Variants in NSL1 observed in about 807,000 individuals in gnomAD.
NSL1 encodes the protein NSL1 component of MIS12 kinetochore complex, also known as kinetochore-associated protein NSL1 homolog.
In NSL1, 11 loss-of-function variants were observed where a neutral mutation model predicts 25.4. The ratio of observed to expected loss-of-function variants is 0.43; its 90% CI spans 0.27 to 0.72. The LOEUF is 0.72. Ranked by LOEUF, NSL1 falls within the 30% of genes least tolerant of loss-of-function variation. The probability of loss-of-function intolerance (pLI) is 0.19; values close to 1 mark genes in which losing one functional copy is unlikely to be tolerated. For synonymous variants in NSL1, 118 were observed against 120.6 expected, an observed-to-expected ratio of 0.98 and a Z score of 0.14; for missense variants, 330 against 342.7, an observed-to-expected ratio of 0.96 and a Z score of 0.29.
At chr1:212,752,783 G>A (rs1659125114) in intron 4 of NSL1, among the ~76,000 whole-genome samples, 1 of 151,848 alleles carries the variant, frequency 6.6e-6, no homozygotes. Flanking sequence ...ATGAAAAAGT[G>A]GAAATGAAAG....
At chr1:212,783,781 T>C (rs1431298002) in intron 3 of NSL1, among the ~76,000 whole-genome samples, 1 of 152,182 alleles carries the variant, frequency 6.6e-6, no homozygotes, top group African/African-American at 2.4e-5. Flanking sequence ...TTGATATCTA[T>C]AGTAATTATA....
chr1:212,736,628 T>C lies in NSL1; in HGVS notation c.*1780A>G. On this transcript the variant is annotated 3_prime_UTR_variant, in exon 6 of 6. Transcript: ENST00000366977. ...TTTAAACTCTGCTATAACTATGGAGTAAAACTTTGGGCTCTCAAGAGGATT... is the reference window on the plus strand; with the variant it reads ...TTTAAACTCTGCTATAACTATGGAGCAAAACTTTGGGCTCTCAAGAGGATT... 5.1e-6 allele frequency: 5 copies of C among 985,344 alleles called. No homozygotes were observed. Among genetic ancestry groups the C allele is most frequent in the Non-Finnish European group, 4.8e-6 (4 of 829,838 alleles). 61.0% of individuals were successfully genotyped at this position (985,344 alleles called of 1,614,324 possible).
Position 212,731,201 on chromosome 1 carries a change from C to T in NSL1, c.*7207G>A, listed in dbSNP as rs1486883630. 1.0e-5 allele frequency: 10 copies of T among 976,372 alleles called. No individual in the cohort carries two copies. The highest frequency in any genetic ancestry group is 1.8e-5 in the African/African-American group (1 of 56,212). The allele number at this position is 976,372 out of a possible 1,614,324, so 60.5% of individuals were successfully genotyped here. Reference sequence around the variant, plus strand: ...TCAGAGGGGAGAAAAAAAAAAAAACCTGAAGAAACCAAAACTAGAATTATC... The same window carrying T: ...TCAGAGGGGAGAAAAAAAAAAAAACTTGAAGAAACCAAAACTAGAATTATC... On this transcript the variant is annotated 3_prime_UTR_variant, in exon 6 of 6. Transcript: ENST00000366977.
chr1:212,780,034 T>C (rs1176375064), intron 4 of NSL1, among the ~76,000 whole-genome samples: 1 of 151,630 alleles, frequency 6.6e-6, no homozygotes, highest in Admixed American at 6.6e-5. Context: ...CGGGCCATGA[T>C]GACAATGGCG....
intron 4 of NSL1, among the ~76,000 whole-genome samples, chr1:212,754,735 T>A (rs140262274): frequency 4.0e-4 from 49 of 122,916 alleles, no homozygotes; most frequent in Middle Eastern, 0.011. Flanking sequence ...AACCATTACA[T>A]TCCAGCCTGG....
chr1:212,761,497 G>T (rs112487492), intron 4 of NSL1, among the ~76,000 whole-genome samples: 1 of 152,168 alleles, frequency 6.6e-6, no homozygotes, highest in Non-Finnish European at 1.5e-5. Context: ...AAAATAGCTG[G>T]GTTTGGTGGC....
At chr1:212,769,722 A>G (rs1660006850) in intron 4 of NSL1, among the ~76,000 whole-genome samples, 1 of 152,188 alleles carries the variant, frequency 6.6e-6, no homozygotes, top group African/African-American at 2.4e-5. Flanking sequence ...AGAGAGAGAA[A>G]AAACTCAAAT....
rs1347202144 is a variant in NSL1, at chr1:212,736,579, T to A, written c.*1829A>T. 8.1e-6 allele frequency: 8 copies of A among 985,164 alleles called. No homozygotes were observed. In the East Asian group the frequency reaches 7.9e-4, roughly 98 times the overall value. The allele number at this position is 985,164 out of a possible 1,614,324, so 61.0% of individuals were successfully genotyped here. A position where few individuals can be genotyped will look rare whatever the true frequency, so the allele number is the denominator to read the frequency against. Reference sequence around the variant, plus strand: ...CTTAGTTAATAATGCTAATACGTACTGTCTTTCCCAGTGGTATTTCTATTT... The same window carrying A: ...CTTAGTTAATAATGCTAATACGTACAGTCTTTCCCAGTGGTATTTCTATTT... On this transcript the variant is annotated 3_prime_UTR_variant, in exon 6 of 6. Coordinates refer to ENST00000366977, the MANE Select transcript of NSL1 (RefSeq NM_015471.4).
rs1657904258 is a variant in NSL1 at position 212,729,108 on chromosome 1, C to T, written c.*9300G>A. 2 of 985,398 alleles carry T rather than the reference C, an allele frequency of 2.0e-6. No homozygotes were observed. The highest frequency in any genetic ancestry group is 3.5e-5 in the African/African-American group (2 of 57,350). 61.0% of individuals were successfully genotyped at this position (985,398 alleles called of 1,614,324 possible). On this transcript the variant is annotated 3_prime_UTR_variant, in exon 6 of 6. Transcript: ENST00000366977. ...AGTGTTAAAACTTGCCAGTCAATTACAGGAATATATTAGTGTTCCATCGTA... is the reference window on the plus strand; with the variant it reads ...AGTGTTAAAACTTGCCAGTCAATTATAGGAATATATTAGTGTTCCATCGTA...
intron 4 of NSL1, among the ~76,000 whole-genome samples, chr1:212,779,816 G>A (rs1428519680): frequency 5.8e-5 from 8 of 137,096 alleles, no homozygotes; most frequent in South Asian, 2.4e-4. Flanking sequence ...CAGCCGCCCC[G>A]TCCGGGAGGG....
chr1:212,753,905 G>C (rs1659181239), intron 4 of NSL1, among the ~76,000 whole-genome samples: 1 of 152,182 alleles, frequency 6.6e-6, no homozygotes, highest in South Asian at 2.1e-4. Flanking sequence ...AGATCTCTCT[G>C]AGGAGGTAAC....
intron 4 of NSL1, among the ~76,000 whole-genome samples, chr1:212,773,101 CAT>C (rs746840637): frequency 1.3e-5 from 2 of 152,090 alleles, no homozygotes; most frequent in Non-Finnish European, 2.9e-5. Flanking sequence ...TATAGGGAAA[CAT>C]AGGAAAAACA....
chr1:212,789,877 C>T (rs761466701), intron 1 of NSL1, among the ~76,000 whole-genome samples: 20 of 152,220 alleles, frequency 1.3e-4, no homozygotes, highest in Non-Finnish European at 2.4e-4. Context: ...CAAAAGTCTT[C>T]TCCCAAAAAA....
At chr1:212,739,419 A>T in intron 5 of NSL1, 115 bp downstream of exon 5, 1 of 876,434 alleles carries the variant, frequency 1.1e-6, no homozygotes, top group South Asian at 1.7e-5. Flanking sequence ...AGATTTATTT[A>T]AAGGACCGCT....
rs1374881466 is a variant in NSL1, at chr1:212,735,362, G to A, written c.*3046C>T. The A allele has an allele frequency of 1.0e-6, 1 of 985,308 alleles. No individual in the cohort carries two copies. The highest frequency in any genetic ancestry group is 1.2e-6 in the Non-Finnish European group (1 of 829,930). 61.0% of individuals were successfully genotyped at this position (985,308 alleles called of 1,614,324 possible). On this transcript the variant is annotated 3_prime_UTR_variant, in exon 6 of 6. Coordinates refer to ENST00000366977, the MANE Select transcript of NSL1 (RefSeq NM_015471.4). Reference sequence around the variant, plus strand: ...ACAGATGAATAAATGAATGAAGGTGGATAGAGAAGATAGGTGTTCACCAGA... The same window carrying A: ...ACAGATGAATAAATGAATGAAGGTGAATAGAGAAGATAGGTGTTCACCAGA...
intron 4 of NSL1, among the ~76,000 whole-genome samples, chr1:212,779,955 G>A (rs1366351084): frequency 1.3e-5 from 2 of 151,812 alleles, no homozygotes; most frequent in East Asian, 3.9e-4. Context: ...CGCCCCTACT[G>A]GGAAGTGAGG....
At position 212,728,985 on chromosome 1, in the gene NSL1, TA is replaced by T. The variant is rs1348496404; in HGVS notation, c.*9422del. The T allele has an allele frequency of 1.6e-5, 16 of 985,008 alleles. No individual in the cohort carries two copies. The highest frequency in any genetic ancestry group is 1.8e-5 in the Non-Finnish European group (15 of 829,684). 61.0% of individuals were successfully genotyped at this position (985,008 alleles called of 1,614,324 possible). On this transcript the variant is annotated 3_prime_UTR_variant, in exon 6 of 6. Transcript: ENST00000366977. ...AAAAAGAAATGAGGAGTAATTTTAG[TA>T]AGGAGGATTTCTAAAGAAGCAGTCA...
In NSL1 at chr1:212,735,063, T is replaced by A. The variant is rs555943698; in HGVS notation, c.*3345A>T. Reference sequence around the variant, plus strand: ...ATAATTATTATCCCCATTTTGCACATGAGAAAACTGCAGCATAGACAGGTT... The same window carrying A: ...ATAATTATTATCCCCATTTTGCACAAGAGAAAACTGCAGCATAGACAGGTT... On this transcript the variant is annotated 3_prime_UTR_variant, in exon 6 of 6. Coordinates refer to ENST00000366977, the MANE Select transcript of NSL1 (RefSeq NM_015471.4). Among the ~76,000 whole-genome samples, 1 of 152,354 alleles carries A rather than the reference T, an allele frequency of 6.6e-6. No homozygotes were observed. The highest frequency in any genetic ancestry group is 2.4e-5 in the African/African-American group (1 of 41,586).
At chr1:212,774,437 A>AT (rs1300320671) in intron 4 of NSL1, among the ~76,000 whole-genome samples, 1 of 152,214 alleles carries the variant, frequency 6.6e-6, no homozygotes, top group Non-Finnish European at 1.5e-5. Flanking sequence ...TGCAAATCAT[A>AT]TATCTGATAA....
Sources: allele counts gnomAD v4.1 joint callset (sites outside exome capture counted in the v4.1 genomes callset), GRCh38; gene constraint gnomAD v4.1.1; transcripts MANE v1.5; gene names NCBI Gene and HGNC (gene_info 2026-07-23, HGNC 2026-07-21).